Variants in ZNG1E observed in about 807,000 individuals in gnomAD.
ZNG1E encodes the protein zinc-regulated GTPase metalloprotein activator 1E.
At chr9:65,722,531 GT>G in the ZNG1E span, among the ~76,000 whole-genome samples, 1 of 51,872 alleles carries the variant, frequency 1.9e-5, no homozygotes, top group African/African-American at 9.0e-5. Context: ...TGTTTTTTTG[GT>G]TTTTTTTGAG....
the ZNG1E span, among the ~76,000 whole-genome samples, chr9:65,681,305 G>T: frequency 6.6e-5 from 10 of 152,224 alleles, no homozygotes; most frequent in Admixed American, 6.5e-4. Flanking sequence ...AAGAAATGGG[G>T]GTGGCCAAGT....
At chr9:65,710,831 G>T in the ZNG1E span, among the ~76,000 whole-genome samples, 2 of 145,602 alleles carry the variant, frequency 1.4e-5, no homozygotes, top group Admixed American at 1.4e-4. Flanking sequence ...TTGACTTGGC[G>T]ATGCGGGCTC....
chr9:65,688,389 TATG>T, the ZNG1E span: 1 of 70,400 alleles, frequency 1.4e-5, no homozygotes, highest in East Asian at 3.5e-4. Flanking sequence ...AGTTCTTCAT[TATG>T]ATGAAGTTGT....
chr9:65,714,701 G>A, the ZNG1E span, among the ~76,000 whole-genome samples: 6 of 146,912 alleles, frequency 4.1e-5, no homozygotes, highest in Admixed American at 4.0e-4. Flanking sequence ...CCCAGGGGGT[G>A]ACCTCCCAGG....
At chr9:65,717,352 G>A in the ZNG1E span, among the ~76,000 whole-genome samples, 2 of 148,060 alleles carry the variant, frequency 1.4e-5, no homozygotes, top group South Asian at 2.1e-4. Flanking sequence ...GCTTTACTAG[G>A]GAGATAGATT....
chr9:65,693,448 TG>T, the ZNG1E span: 1 of 1,283,234 alleles, frequency 7.8e-7, no homozygotes, highest in Non-Finnish European at 1.0e-6. Context: ...GTTCCCAATC[TG>T]AGCATATGGA....
At chr9:65,702,370 G>T in the ZNG1E span, among the ~76,000 whole-genome samples, 12 of 151,534 alleles carry the variant, frequency 7.9e-5, no homozygotes, top group African/African-American at 2.2e-4. Context: ...ACTTTTTGGT[G>T]CCATACAAAG....
chr9:65,665,169 C>T, the ZNG1E span, among the ~76,000 whole-genome samples: 16 of 152,270 alleles, frequency 1.1e-4, no homozygotes, highest in Non-Finnish European at 2.4e-4. Context: ...GAATGTTAAT[C>T]CCCAAGACAA....
At chr9:65,693,611 G>A in the ZNG1E span, 4 of 443,008 alleles carry the variant, frequency 9.0e-6, no homozygotes, top group Non-Finnish European at 1.5e-5. Flanking sequence ...AGGCTGGAGT[G>A]CAGTGGCACC....
the ZNG1E span, among the ~76,000 whole-genome samples, chr9:65,659,058 C>T: frequency 6.6e-6 from 1 of 152,194 alleles, no homozygotes; most frequent in Non-Finnish European, 1.5e-5. Context: ...CCTACAAAAA[C>T]TGGAAACAAA....
At chr9:65,726,288 A>T in the ZNG1E span, among the ~76,000 whole-genome samples, 1,109 of 43,616 alleles carry the variant, frequency 0.025, 365 homozygotes, top group African/African-American at 0.074. Flanking sequence ...GACAGAGCCT[A>T]CCCAAATGAG....
the ZNG1E span, among the ~76,000 whole-genome samples, chr9:65,658,216 C>T: frequency 2.7e-5 from 4 of 150,016 alleles, no homozygotes; most frequent in African/African-American, 2.4e-5. Context: ...TCCACAGAGG[C>T]GTAAGAGGAG....
the ZNG1E span, among the ~76,000 whole-genome samples, chr9:65,709,465 T>C: frequency 7.6e-6 from 1 of 130,854 alleles, no homozygotes; most frequent in African/African-American, 3.1e-5. Flanking sequence ...ACTCGTCATC[T>C]AGCATTAGTT....
At chr9:65,673,871 T>C in the ZNG1E span, among the ~76,000 whole-genome samples, 2 of 152,296 alleles carry the variant, frequency 1.3e-5, no homozygotes, top group Non-Finnish European at 2.9e-5. Context: ...CACAAGAATG[T>C]ACTTTTAAAA....
the ZNG1E span, chr9:65,732,932 A>T: frequency 3.7e-6 from 6 of 1,608,138 alleles, no homozygotes; most frequent in Admixed American, 8.4e-5. Context: ...TTGATGCTCT[A>T]TTTCTGCTTT....
chr9:65,729,537 A>G, the ZNG1E span, among the ~76,000 whole-genome samples: 2 of 54,312 alleles, frequency 3.7e-5, 1 homozygote, highest in African/African-American at 1.0e-4. Flanking sequence ...AACTAAAGAA[A>G]TTTTGCACAG....
chr9:65,684,701 A>C, the ZNG1E span, among the ~76,000 whole-genome samples: 1 of 152,102 alleles, frequency 6.6e-6, no homozygotes, highest in African/African-American at 2.4e-5. Flanking sequence ...TTCTTGACCA[A>C]CCCAGATCTA....
At chr9:65,659,312 T>A in the ZNG1E span, among the ~76,000 whole-genome samples, 8 of 146,360 alleles carry the variant, frequency 5.5e-5, no homozygotes, top group African/African-American at 1.6e-4. Context: ...CTGACCAACA[T>A]GGTGAAACGC....
chr9:65,656,679 G>A, the ZNG1E span, among the ~76,000 whole-genome samples: 1 of 152,294 alleles, frequency 6.6e-6, no homozygotes, highest in South Asian at 2.1e-4. Context: ...AGAACATTTG[G>A]CACATTTGGG....
Sources: gnomAD v4.1 joint callset for allele counts (sites outside exome capture counted in the v4.1 genomes callset) on GRCh38, gnomAD v4.1.1 for gene constraint, MANE v1.5 for transcripts, NCBI Gene and HGNC (gene_info 2026-07-23, HGNC 2026-07-21) for gene names.